Variants in HEATR5A observed in about 807,000 individuals in gnomAD.
HEATR5A encodes the protein HEAT repeat containing 5A.
Under a neutral mutation model 218.8 loss-of-function variants are expected in HEATR5A, and 178 were observed. That is an observed-to-expected ratio of 0.81 (90% CI 0.72 to 0.92). The LOEUF is 0.92. HEATR5A is among the 40% of genes least tolerant of loss of function. HEATR5A has a pLI of 0.00. For synonymous variants in HEATR5A, 864 were observed against 871.6 expected (o/e 0.99, Z 0.15); for missense variants, 2,420 against 2,418.9 (o/e 1.00, Z -0.01).
rs1336526540 is a variant in HEATR5A at position 31,414,822 on chromosome 14, C to T, written c.-75+5650G>A. Among the ~76,000 whole-genome samples the T allele has an allele frequency of 2.6e-5, 4 of 152,100 alleles. No homozygotes were observed. In the East Asian group the frequency reaches 7.7e-4, roughly 29 times the overall value. On this transcript the variant is annotated intron_variant, in intron 1 of 35. Coordinates refer to ENST00000543095, the MANE Select transcript of HEATR5A (RefSeq NM_015473.4). Reference sequence around the variant, plus strand: ...AATGTCCTGGCTCTTCCTCATGGTTCCTACATTTATTTATTTATTTGTTTG... The same window carrying T: ...AATGTCCTGGCTCTTCCTCATGGTTTCTACATTTATTTATTTATTTGTTTG...
At chr14:31,298,886 T>C (rs970708819) in intron 33 of HEATR5A, among the ~76,000 whole-genome samples, 4 of 152,208 alleles carry the variant, frequency 2.6e-5, no homozygotes, top group African/African-American at 7.2e-5. Context: ...GAGAAGCCTA[T>C]ACTTGATCTT....
At position 31,313,078 on chromosome 14, in the gene HEATR5A, T is replaced by C; in HGVS notation, c.4331A>G (p.Asp1444Gly). The C allele has an allele frequency of 6.2e-7, 1 of 1,613,600 alleles. No homozygotes were observed. Among genetic ancestry groups the C allele is most frequent in the South Asian group, 1.1e-5 (1 of 91,080 alleles). ...TGTGCCAAGATCTGCATAGACTAAG[T>C]CAAGCAGTCCATCTGATGAACATGA... ...NGSCSSDGLLDLVYADLGTLS... is the reference protein window; with the variant it reads ...NGSCSSDGLLGLVYADLGTLS... Residue 1444 changes from aspartate to glycine, a missense_variant, in exon 28 of 36, where the codon GAC becomes GGC. Physicochemically the swap from Asp to Gly is moderately conservative, Grantham distance 94. Coordinates refer to ENST00000543095, the MANE Select transcript of HEATR5A (RefSeq NM_015473.4).
chr14:31,363,834 T>A (rs1432696547), intron 14 of HEATR5A, among the ~76,000 whole-genome samples: 1 of 151,908 alleles, frequency 6.6e-6, no homozygotes, highest in Non-Finnish European at 1.5e-5. Flanking sequence ...TACAAAAAAC[T>A]AGCTGAGCGT....
intron 18 of HEATR5A, among the ~76,000 whole-genome samples, chr14:31,348,583 G>A (rs984553668): frequency 4.6e-5 from 7 of 152,052 alleles, no homozygotes; most frequent in Non-Finnish European, 5.9e-5. Flanking sequence ...ACGTTGTATC[G>A]AAAATAAATA....
At chr14:31,395,373 T>C in intron 4 of HEATR5A, 25 bp from the exon 5 acceptor site, 2 of 1,335,276 alleles carry the variant, frequency 1.5e-6, no homozygotes, top group Non-Finnish European at 2.0e-6. Context: ...AAAAATTAAA[T>C]AGGAAAAATA....
chr14:31,396,982 C>G (rs2030678837), intron 4 of HEATR5A, among the ~76,000 whole-genome samples: 2 of 152,084 alleles, frequency 1.3e-5, no homozygotes, highest in African/African-American at 4.8e-5. Flanking sequence ...AATAAAATTT[C>G]TTACAGATAT....
intron 12 of HEATR5A, 150 bp downstream of exon 12, chr14:31,374,666 G>A (rs943195548): frequency 1.1e-5 from 7 of 631,600 alleles, no homozygotes; most frequent in African/African-American, 7.4e-5. Context: ...CCAACTAATC[G>A]GTTATAATTT....
chr14:31,416,769 C>T (rs973847352), intron 1 of HEATR5A, among the ~76,000 whole-genome samples: 1 of 152,092 alleles, frequency 6.6e-6, no homozygotes, highest in Admixed American at 6.5e-5. Flanking sequence ...TTCTGTCTGA[C>T]CTTATGACCA....
At chr14:31,362,989 C>A (rs781496514) in intron 14 of HEATR5A, among the ~76,000 whole-genome samples, 10 of 151,962 alleles carry the variant, frequency 6.6e-5, no homozygotes, top group Non-Finnish European at 1.5e-4. Flanking sequence ...GTAATCCCAG[C>A]GCTTTGGGAG....
chr14:31,407,679 A>T (rs1199543092), intron 1 of HEATR5A, among the ~76,000 whole-genome samples: 1 of 112,586 alleles, frequency 8.9e-6, no homozygotes, highest in Non-Finnish European at 1.9e-5. Context: ...TCCAGGCTGG[A>T]GTGCAATGGT....
intron 27 of HEATR5A, among the ~76,000 whole-genome samples, chr14:31,315,535 C>T (rs969026567): frequency 3.9e-5 from 6 of 152,174 alleles, no homozygotes; most frequent in African/African-American, 1.4e-4. Context: ...TACTGTAAGT[C>T]TCTCTGGCTC....
chr14:31,400,622 T>C (rs976093824), intron 2 of HEATR5A, 110 bp from the exon 3 acceptor site: 9 of 707,080 alleles, frequency 1.3e-5, no homozygotes, highest in African/African-American at 1.1e-4. Flanking sequence ...TCTAGAAAAA[T>C]ACAAACTTAC....
chr14:31,416,524 T>C (rs188126169), intron 1 of HEATR5A, among the ~76,000 whole-genome samples: 3 of 152,132 alleles, frequency 2.0e-5, no homozygotes, highest in Non-Finnish European at 4.4e-5. Flanking sequence ...CAGCTCCAAT[T>C]TCTTAGGCAA....
intron 19 of HEATR5A, 86 bp downstream of exon 19, chr14:31,347,662 C>T (rs1318703258): frequency 4.0e-6 from 4 of 999,400 alleles, no homozygotes; most frequent in Non-Finnish European, 5.3e-6. Context: ...AAACTATATT[C>T]ATAAATTATT....
intron 6 of HEATR5A, among the ~76,000 whole-genome samples, chr14:31,389,871 T>G (rs1435147490): frequency 6.6e-6 from 1 of 152,060 alleles, no homozygotes; most frequent in Non-Finnish European, 1.5e-5. Flanking sequence ...GATCATAAAT[T>G]CTAAGAAAAG....
chr14:31,345,201 G>A lies in HEATR5A; in HGVS notation c.2944C>T (p.Leu982Phe). The change falls in exon 20 of 36, where the codon CTT (leucine) becomes TTT (phenylalanine). Residue 982 changes from leucine (L) to phenylalanine (F), a missense_variant. Leu to Phe is a conservative substitution (Grantham distance 22). Transcript: ENST00000543095. ...PLYYVHVEPT[L>F]SLIIMLLLNV... The stretch of plus-strand genomic sequence containing the variant: ...AACAACAACATTATAATAAGAGAAA[G>A]GGTAGGTTCCACATGCACATAATAG... 1 of 1,613,554 alleles carries A rather than the reference G, an allele frequency of 6.2e-7. No individual in the cohort carries two copies. Among genetic ancestry groups the A allele is most frequent in the Admixed American group, 1.7e-5 (1 of 59,984 alleles).
intron 21 of HEATR5A, among the ~76,000 whole-genome samples, chr14:31,342,378 T>C (rs144784572): frequency 0.019 from 2,897 of 152,224 alleles, 37 homozygotes; most frequent in Non-Finnish European, 0.032. Context: ...AGTGAGACTG[T>C]GCCTCTAAAA....
At chr14:31,364,342 T>C (rs988175888) in intron 13 of HEATR5A, 44 bp from the exon 14 acceptor site, 4 of 953,008 alleles carry the variant, frequency 4.2e-6, no homozygotes, top group South Asian at 1.6e-5. Flanking sequence ...TTAAGTTATA[T>C]AACAATATAC....
intron 13 of HEATR5A, among the ~76,000 whole-genome samples, chr14:31,368,220 T>G (rs1180822894): frequency 6.6e-6 from 1 of 151,952 alleles, no homozygotes; most frequent in Non-Finnish European, 1.5e-5. Context: ...AGGCACAGAG[T>G]TCCTCCCCTC....
Sources: gnomAD v4.1 joint callset for allele counts (sites outside exome capture counted in the v4.1 genomes callset) on GRCh38, gnomAD v4.1.1 for gene constraint, MANE v1.5 for transcripts, NCBI Gene and HGNC (gene_info 2026-07-23, HGNC 2026-07-21) for gene names.